The following FAM114A1 variants were observed in gnomAD, a reference collection of about 807,000 sequenced individuals.
FAM114A1 encodes the protein family with sequence similarity 114 member A1.
Under a neutral mutation model 64.3 loss-of-function variants are expected in FAM114A1, and 62 were observed. The ratio of observed to expected loss-of-function variants is 0.96; its 90% CI spans 0.79 to 1.19. The LOEUF (loss-of-function observed/expected upper bound fraction) is 1.19. Among genes scored for constraint, FAM114A1 ranks in the 50% most tolerant of loss-of-function variants. The pLI, the probability that FAM114A1 is intolerant of heterozygous loss-of-function variation, is 0.00. For missense variants in FAM114A1, 645 were observed against 676.3 expected (o/e 0.95, Z 0.51); for synonymous variants, 254 against 251.1 (o/e 1.01, Z -0.11).
rs376684759 is a variant in FAM114A1 at position 38,941,443 on chromosome 4, A to G, written c.1590+422A>G. Among the ~76,000 whole-genome samples the G allele has an allele frequency of 1.6e-3, 241 of 152,276 alleles. 11 individuals carry two copies. In the South Asian group the frequency reaches 0.045, roughly 28 times the overall value. On this transcript the variant is annotated intron_variant, in intron 14 of 14. Transcript: ENST00000358869. Reference sequence around the variant, plus strand: ...GGGTCTAATGTCCAAGCTGGCAACAATGACAAGGAGAATGTTTAGCCTATG... The same window carrying G: ...GGGTCTAATGTCCAAGCTGGCAACAGTGACAAGGAGAATGTTTAGCCTATG...
At chr4:38,924,549 C>T (rs1719927474) in intron 9 of FAM114A1, among the ~76,000 whole-genome samples, 1 of 152,186 alleles carries the variant, frequency 6.6e-6, no homozygotes, top group African/African-American at 2.4e-5. Flanking sequence ...TCTTTAGCTC[C>T]ACACACTGAC....
chr4:38,893,589 C>T (rs1189123804), intron 4 of FAM114A1, among the ~76,000 whole-genome samples: 2 of 152,230 alleles, frequency 1.3e-5, no homozygotes, highest in Non-Finnish European at 2.9e-5. Context: ...CTCCCTGTAA[C>T]TGCTCTAGCC....
rs1364853419 is a variant in FAM114A1 at position 38,931,559 on chromosome 4, T to C, written c.1270T>C (p.Ser424Pro). Residue 424 changes from serine (S) to proline (P), a missense_variant, in exon 11 of 15, where the codon TCT becomes CCT. Physicochemically the swap from Ser to Pro is moderately conservative, Grantham distance 74 (BLOSUM62 -1). Transcript: ENST00000358869. ...ETKKEEKEEK[S>P]QDPQEDKKEE... ...AAAGAAGGAAGAAAAGGAAGAGAAATCTCAAGACCCTCAAGAAGACAAAAA... is the reference window on the plus strand; with the variant it reads ...AAAGAAGGAAGAAAAGGAAGAGAAACCTCAAGACCCTCAAGAAGACAAAAA... The C allele has an allele frequency of 1.2e-6, 2 of 1,613,520 alleles. No individual in the cohort carries two copies. The highest frequency in any genetic ancestry group is 1.7e-5 in the Admixed American group (1 of 59,926).
At chr4:38,873,000 T>G (rs767645964) in intron 2 of FAM114A1, among the ~76,000 whole-genome samples, 4 of 152,238 alleles carry the variant, frequency 2.6e-5, no homozygotes, top group Admixed American at 6.5e-5. Flanking sequence ...AACTTCCAAA[T>G]GACAACAGCC....
At chr4:38,868,060 T>A in intron 1 of FAM114A1, 1 of 390,056 alleles carries the variant, frequency 2.6e-6, no homozygotes, top group Non-Finnish European at 5.3e-6. Flanking sequence ...GGCGTGTGAG[T>A]GTGTGTGTGT....
chr4:38,876,567 G>A (rs771208871), intron 2 of FAM114A1, among the ~76,000 whole-genome samples: 44 of 152,196 alleles, frequency 2.9e-4, no homozygotes, highest in African/African-American at 7.2e-4. Context: ...TCCCATAGGC[G>A]TAGTCTTTCA....
chr4:38,938,858 T>C (rs1721326657), intron 13 of FAM114A1, among the ~76,000 whole-genome samples: 1 of 152,164 alleles, frequency 6.6e-6, no homozygotes, highest in South Asian at 2.1e-4. Flanking sequence ...GGCTTGAGAG[T>C]GTGAATGTCT....
intron 3 of FAM114A1, among the ~76,000 whole-genome samples, chr4:38,891,143 G>A (rs1716334555): frequency 6.6e-6 from 1 of 152,154 alleles, no homozygotes; most frequent in Non-Finnish European, 1.5e-5. Context: ...CTGAGGTCAG[G>A]GACAGTCTTA....
chr4:38,897,629 A>G (rs1424378841), intron 4 of FAM114A1, among the ~76,000 whole-genome samples: 1 of 152,198 alleles, frequency 6.6e-6, no homozygotes, highest in African/African-American at 2.4e-5. Context: ...TTGTGAAATG[A>G]AGTAAGCTTG....
chr4:38,916,935 C>T (rs1389393728), intron 8 of FAM114A1, among the ~76,000 whole-genome samples: 4 of 151,980 alleles, frequency 2.6e-5, no homozygotes, highest in Admixed American at 2.0e-4. Flanking sequence ...TGTTGTCAGC[C>T]CTTTACAATT....
intron 2 of FAM114A1, among the ~76,000 whole-genome samples, chr4:38,869,394 G>A (rs1713791845): frequency 6.6e-6 from 1 of 152,240 alleles, no homozygotes; most frequent in Non-Finnish European, 1.5e-5. Context: ...ACCAGCGTAA[G>A]CAAAGGCAGG....
chr4:38,905,032 A>G (rs1387532774), intron 4 of FAM114A1, among the ~76,000 whole-genome samples: 3 of 152,206 alleles, frequency 2.0e-5, no homozygotes, highest in Non-Finnish European at 4.4e-5. Flanking sequence ...TCAACCAGGC[A>G]GGGGTGAAAC....
At chr4:38,935,695 C>CTTT (rs377231719) in intron 12 of FAM114A1, 23 bp from the exon 13 acceptor site, 8 of 1,184,940 alleles carry the variant, frequency 6.8e-6, no homozygotes, top group South Asian at 3.0e-5. Context: ...AACATCCAAG[C>CTTT]TTTTTTTTTT....
intron 3 of FAM114A1, among the ~76,000 whole-genome samples, chr4:38,889,940 G>A (rs1378138426): frequency 6.6e-6 from 1 of 152,164 alleles, no homozygotes; most frequent in Non-Finnish European, 1.5e-5. Flanking sequence ...CAGCAAAAAT[G>A]ACTGCTTCAA....
chr4:38,931,605 C>A lies in FAM114A1; in HGVS notation c.1316C>A (p.Thr439Asn), dbSNP rs1720646869. The change falls in exon 11 of 15, where the codon ACC becomes AAC. Residue 439 changes from threonine (T) to asparagine (N), a missense_variant. By Grantham distance (65) the Thr-to-Asn change is moderately conservative. Transcript: ENST00000358869. ...EDKKEEKKTK[T>N]IEEVYMSSIE... ...AAAAAGGAGGAAAAGAAAACTAAGA[C>A]CATAGAGGTAAATTCATTCTAGATT... The A allele has an allele frequency of 6.2e-7, 1 of 1,611,670 alleles. No homozygotes were observed. The highest frequency in any genetic ancestry group is 8.5e-7 in the Non-Finnish European group (1 of 1,179,088).
intron 7 of FAM114A1, among the ~76,000 whole-genome samples, chr4:38,913,682 G>A (rs1302859418): frequency 6.6e-6 from 1 of 152,132 alleles, no homozygotes; most frequent in Non-Finnish European, 1.5e-5. Context: ...GAGCCACCGT[G>A]CCTGGCCCTA....
chr4:38,889,896 C>T (rs886753837), intron 3 of FAM114A1, among the ~76,000 whole-genome samples: 2 of 152,154 alleles, frequency 1.3e-5, no homozygotes, highest in Non-Finnish European at 2.9e-5. Context: ...GAGCCAGGAC[C>T]AGTGACTGAG....
At chr4:38,896,258 C>T (rs571645404) in intron 4 of FAM114A1, among the ~76,000 whole-genome samples, 16 of 152,098 alleles carry the variant, frequency 1.1e-4, no homozygotes, top group Non-Finnish European at 2.2e-4. Context: ...CATCACTACC[C>T]ACCTCCTCCC....
intron 8 of FAM114A1, among the ~76,000 whole-genome samples, chr4:38,921,987 G>T (rs779550327): frequency 6.6e-6 from 1 of 152,146 alleles, no homozygotes; most frequent in African/African-American, 2.4e-5. Context: ...CTGTCACCAG[G>T]TTGGAGTGCA....
Sources: allele counts gnomAD v4.1 joint callset (sites outside exome capture counted in the v4.1 genomes callset), GRCh38; gene constraint gnomAD v4.1.1; transcripts MANE v1.5; gene names NCBI Gene and HGNC (gene_info 2026-07-23, HGNC 2026-07-21).